Variants in ANKS1B observed in about 807,000 individuals in gnomAD.
The protein encoded by ANKS1B is ankyrin repeat and sterile alpha motif domain containing 1B, also known as ankyrin repeat and sterile alpha motif domain-containing protein 1B.
Under a neutral mutation model 148.3 loss-of-function variants are expected in ANKS1B, and 36 were observed. The observed-to-expected ratio is 0.24, with a 90% CI of 0.19 to 0.32. The LOEUF (loss-of-function observed/expected upper bound fraction) is 0.32. Ranked by LOEUF, ANKS1B falls within the 10% of genes least tolerant of loss-of-function variation. The pLI is 1.00. For synonymous variants in ANKS1B, 542 were observed against 560.8 expected (o/e 0.97, Z 0.47); for missense variants, 1,157 against 1,542.6 (o/e 0.75, Z 4.19).
chr12:99,571,867 C>T (rs150932915), intron 9 of ANKS1B, among the ~76,000 whole-genome samples: 2,056 of 152,202 alleles, frequency 0.014, 54 homozygotes, highest in African/African-American at 0.047. Context: ...GGTCTAACAG[C>T]ATATAAAGCC....
In ANKS1B at chr12:99,498,626, T is replaced by C. The variant is rs186282359; in HGVS notation, c.1438+5850A>G. 3.7e-4 allele frequency among the ~76,000 whole-genome samples: 56 copies of C among 152,242 alleles called. No homozygotes were observed. In the East Asian group the frequency reaches 9.5e-3, roughly 26 times the overall value. Reference sequence around the variant, plus strand: ...TTAACACATTCTAAGCTCCTAAAGGTCAACACTTATACCTTTTGCTCTGTT... The same window carrying C: ...TTAACACATTCTAAGCTCCTAAAGGCCAACACTTATACCTTTTGCTCTGTT... On this transcript the variant is annotated intron_variant, in intron 10 of 26. Transcript: ENST00000683438.
At chr12:98,907,261 G>A (rs2099780582) in intron 17 of ANKS1B, among the ~76,000 whole-genome samples, 1 of 152,114 alleles carries the variant, frequency 6.6e-6, no homozygotes, top group Admixed American at 6.5e-5. Context: ...TCCATGCTTG[G>A]TTTAATTCTC....
intron 12 of ANKS1B, among the ~76,000 whole-genome samples, chr12:99,334,702 C>T (rs916983923): frequency 1.3e-5 from 2 of 151,936 alleles, no homozygotes; most frequent in South Asian, 2.1e-4. Context: ...TTATGTAGTA[C>T]ATTTTTTTCC....
rs540733764 is a variant in ANKS1B at position 99,725,546 on chromosome 12, A to G, written c.1128+47376T>C. Among the ~76,000 whole-genome samples, 5 of 152,302 alleles carry G rather than the reference A, an allele frequency of 3.3e-5. No individual in the cohort carries two copies. The East Asian group carries it at 9.7e-4, about 29-fold the overall frequency. ...ACAAAGAGACTTAGACTCCCACACA[A>G]TAATAAAAAGGGACTTCTAACACCC... On this transcript the variant is annotated intron_variant, in intron 8 of 26. Coordinates refer to ENST00000683438, the MANE Select transcript of ANKS1B (RefSeq NM_001352186.2).
intron 12 of ANKS1B, among the ~76,000 whole-genome samples, chr12:99,258,174 A>G (rs1238402018): frequency 6.6e-6 from 1 of 152,170 alleles, no homozygotes; most frequent in East Asian, 1.9e-4. Flanking sequence ...ACCCTACTAC[A>G]TAGGTAGGGT....
chr12:99,042,011 A>G (rs1206741037), intron 17 of ANKS1B, among the ~76,000 whole-genome samples: 2 of 151,270 alleles, frequency 1.3e-5, no homozygotes, highest in African/African-American at 4.9e-5. Flanking sequence ...AAACAACAAC[A>G]ACAAAACAAA....
intron 1 of ANKS1B, among the ~76,000 whole-genome samples, chr12:99,961,020 G>C: frequency 6.6e-6 from 1 of 152,144 alleles, no homozygotes; most frequent in East Asian, 1.9e-4. Context: ...CTGAGGTCAG[G>C]AATTCAAGAC....
chr12:98,969,368 T>C (rs1246311070), intron 17 of ANKS1B, among the ~76,000 whole-genome samples: 2 of 152,172 alleles, frequency 1.3e-5, no homozygotes, highest in African/African-American at 2.4e-5. Context: ...ATGGGCATGA[T>C]GAAATTTAAC....
intron 9 of ANKS1B, among the ~76,000 whole-genome samples, chr12:99,558,389 C>A (rs2153190269): frequency 6.6e-6 from 1 of 152,248 alleles, no homozygotes; most frequent in African/African-American, 2.4e-5. Context: ...TACACACACG[C>A]ATGCCAGCAT....
intron 9 of ANKS1B, among the ~76,000 whole-genome samples, chr12:99,558,989 C>G (rs1162783705): frequency 6.6e-6 from 1 of 152,176 alleles, no homozygotes; most frequent in Non-Finnish European, 1.5e-5. Flanking sequence ...GAGCTGGTCA[C>G]TCCTTCCCTG....
chr12:99,504,392 T>C (rs2096686036), intron 10 of ANKS1B, 84 bp downstream of exon 10: 1 of 1,426,876 alleles, frequency 7.0e-7, no homozygotes, highest in African/African-American at 1.4e-5. Context: ...GATAACATAG[T>C]AGGAAACCAA....
intron 1 of ANKS1B, among the ~76,000 whole-genome samples, chr12:99,828,717 A>C (rs1394149099): frequency 2.0e-5 from 3 of 152,202 alleles, no homozygotes; most frequent in Non-Finnish European, 1.5e-5. Context: ...TTAAAAATAA[A>C]GCTGATAAGG....
chr12:98,868,612 G>A (rs1567335334), intron 17 of ANKS1B, among the ~76,000 whole-genome samples: 1 of 152,174 alleles, frequency 6.6e-6, no homozygotes, highest in Non-Finnish European at 1.5e-5. Flanking sequence ...AAACTTCCCC[G>A]AATGTGTTGA....
chr12:98,942,098 G>A (rs1332785866), intron 17 of ANKS1B, among the ~76,000 whole-genome samples: 2 of 151,854 alleles, frequency 1.3e-5, no homozygotes, highest in African/African-American at 2.4e-5. Flanking sequence ...AAAATTAGCC[G>A]GGCATGGTGG....
chr12:99,318,649 T>C (rs970044121), intron 12 of ANKS1B, among the ~76,000 whole-genome samples: 1 of 152,116 alleles, frequency 6.6e-6, no homozygotes, highest in Non-Finnish European at 1.5e-5. Flanking sequence ...TTTTTGAAGG[T>C]TTTTTTATGT....
chr12:99,233,516 A>G (rs551391666), intron 14 of ANKS1B, among the ~76,000 whole-genome samples: 4 of 152,290 alleles, frequency 2.6e-5, no homozygotes, highest in African/African-American at 9.6e-5. Flanking sequence ...TGTTCTGCAC[A>G]ATATGAGGCA....
At chr12:99,223,974 G>A (rs1038923566) in intron 14 of ANKS1B, among the ~76,000 whole-genome samples, 2 of 151,804 alleles carry the variant, frequency 1.3e-5, no homozygotes, top group African/African-American at 4.8e-5. Context: ...TTTATTAGTG[G>A]GGAAAACTCT....
chr12:99,296,324 T>G lies in ANKS1B; in HGVS notation c.1757-49460A>C, dbSNP rs562391840. ...AAATTATTCTGCATTTCCATATGAATGTGAGGATCAGTTTGCTAATTTCTA... is the reference window on the plus strand; with the variant it reads ...AAATTATTCTGCATTTCCATATGAAGGTGAGGATCAGTTTGCTAATTTCTA... On this transcript the variant is annotated intron_variant, in intron 12 of 26. Transcript: ENST00000683438. Among the ~76,000 whole-genome samples, 10 of 152,350 alleles carry G rather than the reference T, an allele frequency of 6.6e-5. No homozygotes were observed. In the South Asian group the frequency reaches 2.1e-3, roughly 32 times the overall value.
chr12:99,810,323 T>C (rs1398333209), intron 3 of ANKS1B, among the ~76,000 whole-genome samples: 1 of 152,038 alleles, frequency 6.6e-6, no homozygotes, highest in Non-Finnish European at 1.5e-5. Flanking sequence ...TAAATGCTAA[T>C]TACCATTTTT....
Sources: gnomAD v4.1 joint callset for allele counts (sites outside exome capture counted in the v4.1 genomes callset) on GRCh38, gnomAD v4.1.1 for gene constraint, MANE v1.5 for transcripts, NCBI Gene and HGNC (gene_info 2026-07-23, HGNC 2026-07-21) for gene names.